MRFAP1: variants seen among roughly 807,000 people sequenced by gnomAD.
The protein encoded by MRFAP1 is MORF4 family-associated protein 1.
A neutral mutation model predicts 9.3 loss-of-function variants in MRFAP1; 1 was observed. The ratio of observed to expected loss-of-function variants is 0.11; its 90% CI spans 0.04 to 0.51. MRFAP1 has a LOEUF of 0.51. MRFAP1 is among the 20% of genes least tolerant of loss of function. The pLI, the probability that MRFAP1 is intolerant of heterozygous loss-of-function variation, is 0.94. For synonymous variants in MRFAP1, 101 were observed against 80.3 expected (o/e 1.26, Z -1.38); for missense variants, 180 against 178.6 (o/e 1.01, Z -0.04).
In MRFAP1 at chr4:6,642,000, C is replaced by G. The variant is rs1187934887; in HGVS notation, c.*283C>G. ...AGCTCTTGCAGCAGTCACATTTGTT[C>G]CCGGGCTTTGGTGGTTATTTCTAAA... On this transcript the variant is annotated 3_prime_UTR_variant, in exon 2 of 2. Transcript: ENST00000382581. The G allele has an allele frequency of 6.6e-6, 1 of 152,610 alleles. No individual in the cohort carries two copies. Among genetic ancestry groups the G allele is most frequent in the Non-Finnish European group, 1.5e-5 (1 of 68,048 alleles). The allele number at this position is 152,610 out of a possible 1,614,324, so 9.5% of individuals were successfully genotyped here. A position where few individuals can be genotyped will look rare whatever the true frequency, so the allele number is the denominator to read the frequency against.
Position 6,642,384 on chromosome 4 carries a change from A to G in MRFAP1, c.*667A>G, listed in dbSNP as rs1220813988. 6.5e-6 allele frequency: 1 copy of G among 152,706 alleles called. No homozygotes were observed. The highest frequency in any genetic ancestry group is 1.5e-5 in the Non-Finnish European group (1 of 68,050). The allele number at this position is 152,706 out of a possible 1,614,324, so 9.5% of individuals were successfully genotyped here. On this transcript the variant is annotated 3_prime_UTR_variant, in exon 2 of 2. Coordinates refer to ENST00000382581, the MANE Select transcript of MRFAP1 (RefSeq NM_033296.3). The stretch of plus-strand genomic sequence containing the variant: ...ACTATCTTATGTAACCTGTCTGGTG[A>G]GTTTGTTTGGACAACCTAACTCAGC...
In MRFAP1 at chr4:6,641,216, C is replaced by T; in HGVS notation, c.354C>T (p.Val118=). 2 of 1,601,656 alleles carry T rather than the reference C, an allele frequency of 1.2e-6. No individual in the cohort carries two copies. The highest frequency in any genetic ancestry group is 1.3e-5 in the African/African-American group (1 of 74,732). ...AKMAEMLVEL[V]RRIEKSESS Reference sequence around the variant, plus strand: ...TGGCAGAGATGCTGGTGGAGCTGGTCCGGCGGATAGAGAAGAGCGAGTCGT... The same window carrying T: ...TGGCAGAGATGCTGGTGGAGCTGGTTCGGCGGATAGAGAAGAGCGAGTCGT... The change falls in exon 1 of 2, where the codon GTC becomes GTT. Residue 118 remains valine (V), a synonymous_variant. Transcript: ENST00000382581.
chr4:6,641,351 G>T (rs1438769938), intron 1 of MRFAP1, 93 bp downstream of exon 1: 1 of 1,467,856 alleles, frequency 6.8e-7, no homozygotes, highest in Non-Finnish European at 9.1e-7. Flanking sequence ...GGAATCGGGG[G>T]TGGGGCGGGA....
intron 1 of MRFAP1, 54 bp downstream of exon 1, chr4:6,641,312 C>A: frequency 6.6e-7 from 1 of 1,516,068 alleles, no homozygotes; most frequent in Non-Finnish European, 8.8e-7. Flanking sequence ...GGCCGCTCTT[C>A]GAGAGCGATG....
At chr4:6,641,454 G>A in intron 1 of MRFAP1, 196 bp downstream of exon 1, 1 of 657,158 alleles carries the variant, frequency 1.5e-6, no homozygotes, top group South Asian at 2.3e-5. Flanking sequence ...AGAGTGGCCG[G>A]GTTTGGGCGT....
In MRFAP1 at chr4:6,641,215, T is replaced by A; in HGVS notation, c.353T>A (p.Val118Asp). ...AKMAEMLVEL[V>D]RRIEKSESS ...ATGGCAGAGATGCTGGTGGAGCTGG[T>A]CCGGCGGATAGAGAAGAGCGAGTCG... Residue 118 changes from valine to aspartate, a missense_variant, in exon 1 of 2, where the codon GTC (valine) becomes GAC (aspartate). Transcript: ENST00000382581. 6.2e-7 allele frequency: 1 copy of A among 1,602,504 alleles called. No individual in the cohort carries two copies. The highest frequency in any genetic ancestry group is 8.5e-7 in the Non-Finnish European group (1 of 1,171,972).
In MRFAP1 at chr4:6,641,095, C is replaced by G. The variant is rs143781974; in HGVS notation, c.233C>G (p.Ala78Gly). Reference sequence around the variant, plus strand: ...CAGGTGGAGGCCTCGGAGGAGAGCGCCCTCAACCACCTCCAGAACCCGGGC... The same window carrying G: ...CAGGTGGAGGCCTCGGAGGAGAGCGGCCTCAACCACCTCCAGAACCCGGGC... ...KTQVEASEES[A>G]LNHLQNPGDA... The change falls in exon 1 of 2, where the codon GCC becomes GGC. Residue 78 changes from alanine (A) to glycine (G), a missense_variant. Physicochemically the swap from Ala to Gly is moderately conservative, Grantham distance 60. Transcript: ENST00000382581. 2 of 1,614,222 alleles carry G rather than the reference C, an allele frequency of 1.2e-6. No homozygotes were observed. Among genetic ancestry groups the G allele is most frequent in the Non-Finnish European group, 1.7e-6 (2 of 1,180,026 alleles).
In MRFAP1 at chr4:6,641,285, A is replaced by G. The variant is rs766648205; in HGVS notation, c.*12+27A>G. ...TAAGTCGGGCACCCGCGCCAGGCCG[A>G]GGAGCGGCCCCAGCTTGGCCGCTCT... On this transcript the variant is annotated intron_variant, in intron 1 of 1. Coordinates refer to ENST00000382581, the MANE Select transcript of MRFAP1 (RefSeq NM_033296.3). 3 of 1,530,978 alleles carry G rather than the reference A, an allele frequency of 2.0e-6. No individual in the cohort carries two copies. In the African/African-American group the frequency reaches 4.1e-5, roughly 21 times the overall value. 94.8% of individuals were successfully genotyped at this position (1,530,978 alleles called of 1,614,324 possible).
chr4:6,640,884 G>C lies in MRFAP1; in HGVS notation c.22G>C (p.Glu8Gln). ...AGAGATGCGGCCCCTGGACATCGTC[G>C]AGCTGGCGGAACCGGAGGAAGTGGA... MRPLDIV[E>Q]LAEPEEVEVL... The change falls in exon 1 of 2, where the codon GAG becomes CAG. Residue 8 changes from glutamate to glutamine, a missense_variant. Transcript: ENST00000382581. 3.1e-6 allele frequency: 5 copies of C among 1,610,442 alleles called. No homozygotes were observed. The highest frequency in any genetic ancestry group is 3.4e-6 in the Non-Finnish European group (4 of 1,177,118).
At position 6,641,231 on chromosome 4, in the gene MRFAP1, G is replaced by C. The variant is rs754145197; in HGVS notation, c.369G>C (p.Lys123Asn). 1 of 1,581,158 alleles carries C rather than the reference G, an allele frequency of 6.3e-7. No homozygotes were observed. Among genetic ancestry groups the C allele is most frequent in the South Asian group, 1.1e-5 (1 of 88,672 alleles). Reference protein sequence around the residue: ...MLVELVRRIEKSESS With the variant: ...MLVELVRRIENSESS Reference sequence around the variant, plus strand: ...TGGAGCTGGTCCGGCGGATAGAGAAGAGCGAGTCGTCGTGAGCGCGGTCGG... The same window carrying C: ...TGGAGCTGGTCCGGCGGATAGAGAACAGCGAGTCGTCGTGAGCGCGGTCGG... The change falls in exon 1 of 2, where the codon AAG becomes AAC. Residue 123 changes from lysine to asparagine, a missense_variant. Transcript: ENST00000382581.
At position 6,640,886 on chromosome 4, in the gene MRFAP1, G is replaced by C; in HGVS notation, c.24G>C (p.Glu8Asp). The change falls in exon 1 of 2, where the codon GAG (glutamate) becomes GAC (aspartate). Residue 8 changes from glutamate to aspartate, a missense_variant. Physicochemically the swap from Glu to Asp is conservative, Grantham distance 45 (BLOSUM62 2). Transcript: ENST00000382581. The stretch of plus-strand genomic sequence containing the variant: ...AGATGCGGCCCCTGGACATCGTCGA[G>C]CTGGCGGAACCGGAGGAAGTGGAGG... MRPLDIVELAEPEEVEVL... is the reference protein window; with the variant it reads MRPLDIVDLAEPEEVEVL... 6.2e-7 allele frequency: 1 copy of C among 1,610,668 alleles called. No homozygotes were observed. The highest frequency in any genetic ancestry group is 8.5e-7 in the Non-Finnish European group (1 of 1,177,244).
chr4:6,641,296 C>T, intron 1 of MRFAP1, 38 bp downstream of exon 1: 1 of 1,523,872 alleles, frequency 6.6e-7, no homozygotes, highest in Non-Finnish European at 8.8e-7. Context: ...GGAGCGGCCC[C>T]AGCTTGGCCG....
chr4:6,641,079 G>A lies in MRFAP1; in HGVS notation c.217G>A (p.Ala73Thr). ...MLIQIKTQVE[A>T]SEESALNHLQ... Reference sequence around the variant, plus strand: ...CATCCAGATCAAAACGCAGGTGGAGGCCTCGGAGGAGAGCGCCCTCAACCA... The same window carrying A: ...CATCCAGATCAAAACGCAGGTGGAGACCTCGGAGGAGAGCGCCCTCAACCA... The change falls in exon 1 of 2, where the codon GCC (alanine) becomes ACC (threonine). Residue 73 changes from alanine to threonine, a missense_variant. Coordinates refer to ENST00000382581, the MANE Select transcript of MRFAP1 (RefSeq NM_033296.3). 1 of 1,614,160 alleles carries A rather than the reference G, an allele frequency of 6.2e-7. No individual in the cohort carries two copies. Among genetic ancestry groups the A allele is most frequent in the Non-Finnish European group, 8.5e-7 (1 of 1,179,968 alleles).
Position 6,642,169 on chromosome 4 carries a change from A to G in MRFAP1, c.*452A>G, listed in dbSNP as rs902964508. The G allele has an allele frequency of 6.5e-6, 1 of 152,696 alleles. No homozygotes were observed. Among genetic ancestry groups the G allele is most frequent in the Non-Finnish European group, 1.5e-5 (1 of 68,050 alleles). The allele number at this position is 152,696 out of a possible 1,614,324, so 9.5% of individuals were successfully genotyped here. A position where few individuals can be genotyped will look rare whatever the true frequency, so the allele number is the denominator to read the frequency against. ...TGCATTAATTCTGGAAGACGACTCC[A>G]TGCAGCAACTACTGAAGAAAGGACC... On this transcript the variant is annotated 3_prime_UTR_variant, in exon 2 of 2. Transcript: ENST00000382581.
rs1202285685 is a variant in MRFAP1 at position 6,641,040 on chromosome 4, A to T, written c.178A>T (p.Met60Leu). 1.9e-6 allele frequency: 3 copies of T among 1,614,064 alleles called. No homozygotes were observed. Among genetic ancestry groups the T allele is most frequent in the Non-Finnish European group, 2.5e-6 (3 of 1,180,010 alleles). The change falls in exon 1 of 2, where the codon ATG (methionine) becomes TTG (leucine). Residue 60 changes from methionine (M) to leucine (L), a missense_variant. Physicochemically the swap from Met to Leu is conservative, Grantham distance 15. Coordinates refer to ENST00000382581, the MANE Select transcript of MRFAP1 (RefSeq NM_033296.3). Reference protein sequence around the residue: ...YLRNRSKLWEMDNMLIQIKTQ... With the variant: ...YLRNRSKLWELDNMLIQIKTQ... ...GCGGAACCGGAGCAAGCTGTGGGAG[A>T]TGGACAATATGCTCATCCAGATCAA...
rs553758871 is a variant in MRFAP1, at chr4:6,642,649, A to G, written c.*932A>G. On this transcript the variant is annotated 3_prime_UTR_variant, in exon 2 of 2. Coordinates refer to ENST00000382581, the MANE Select transcript of MRFAP1 (RefSeq NM_033296.3). The stretch of plus-strand genomic sequence containing the variant: ...AGTTCATTTGAGTAGCAGACCTAAC[A>G]AATATTTGAGGTCAGAACCCTACCA... The G allele has an allele frequency of 1.6e-4, 24 of 152,564 alleles. No individual in the cohort carries two copies. In the East Asian group the frequency reaches 4.4e-3, roughly 28 times the overall value. The allele number at this position is 152,564 out of a possible 1,614,324, so 9.5% of individuals were successfully genotyped here. A position where few individuals can be genotyped will look rare whatever the true frequency, so the allele number is the denominator to read the frequency against.
In MRFAP1 at chr4:6,642,301, G is replaced by T. The variant is rs2108773589; in HGVS notation, c.*584G>T. ...TCTGTATTTGGAGACTTTAATTTCTGTGTGAGACCAAAGGAGGAGAGATGT... is the reference window on the plus strand; with the variant it reads ...TCTGTATTTGGAGACTTTAATTTCTTTGTGAGACCAAAGGAGGAGAGATGT... On this transcript the variant is annotated 3_prime_UTR_variant, in exon 2 of 2. Coordinates refer to ENST00000382581, the MANE Select transcript of MRFAP1 (RefSeq NM_033296.3). 6.5e-6 allele frequency: 1 copy of T among 152,804 alleles called. No individual in the cohort carries two copies. The highest frequency in any genetic ancestry group is 1.9e-4 in the East Asian group (1 of 5,186). The allele number at this position is 152,804 out of a possible 1,614,324, so 9.5% of individuals were successfully genotyped here. A position where few individuals can be genotyped will look rare whatever the true frequency, so the allele number is the denominator to read the frequency against.
chr4:6,640,714 T>C lies in MRFAP1; in HGVS notation c.-149T>C, dbSNP rs966204659. On this transcript the variant is annotated 5_prime_UTR_variant, in exon 1 of 2. Coordinates refer to ENST00000382581, the MANE Select transcript of MRFAP1 (RefSeq NM_033296.3). ...TGTTCGCCGTTACTCTGCGCGTAAG[T>C]CGCTTGTCCGTGGCTTCTCTGAGAA... The C allele has an allele frequency of 5.8e-6, 6 of 1,038,170 alleles. No homozygotes were observed. Among genetic ancestry groups the C allele is most frequent in the Admixed American group, 2.4e-5 (1 of 41,632 alleles). The allele number at this position is 1,038,170 out of a possible 1,614,324, so 64.3% of individuals were successfully genotyped here. A position where few individuals can be genotyped will look rare whatever the true frequency, so the allele number is the denominator to read the frequency against.
At chr4:6,641,452 C>A (rs536440212) in intron 1 of MRFAP1, 194 bp downstream of exon 1, 9 of 649,718 alleles carry the variant, frequency 1.4e-5, no homozygotes, top group Admixed American at 6.8e-5. Flanking sequence ...TCAGAGTGGC[C>A]GGGTTTGGGC....
Sources: allele counts gnomAD v4.1 joint callset, GRCh38; gene constraint gnomAD v4.1.1; transcripts MANE v1.5; gene names NCBI Gene and HGNC (gene_info 2026-07-23, HGNC 2026-07-21).